The following TGFBR3 variants were observed in gnomAD, a reference collection of about 807,000 sequenced individuals.
TGFBR3 encodes the protein transforming growth factor beta receptor type 3.
A neutral mutation model predicts 87.9 loss-of-function variants in TGFBR3; 46 were observed. The observed-to-expected ratio is 0.52, with a 90% CI of 0.41 to 0.67. The LOEUF (loss-of-function observed/expected upper bound fraction) is 0.67, where lower values mean the gene tolerates loss of function less well. TGFBR3 is among the 30% of genes least tolerant of loss of function. The pLI, the probability that TGFBR3 is intolerant of heterozygous loss-of-function variation, is 0.00. For missense variants in TGFBR3, 866 were observed against 1,041.9 expected (o/e 0.83, Z 2.32); for synonymous variants, 381 against 391.6 (o/e 0.97, Z 0.32).
At chr1:91,761,643 C>CG (rs1673967181) in intron 3 of TGFBR3, among the ~76,000 whole-genome samples, 1 of 151,906 alleles carries the variant, frequency 6.6e-6, no homozygotes, top group African/African-American at 2.4e-5. Flanking sequence ...AGATAAAGGA[C>CG]AACCAAAACA....
chr1:91,742,220 A>G (rs2100845230), intron 4 of TGFBR3, among the ~76,000 whole-genome samples: 1 of 152,324 alleles, frequency 6.6e-6, no homozygotes, highest in African/African-American at 2.4e-5. Context: ...CCTTTAGTCC[A>G]TCCCTCTCTC....
chr1:91,704,284 C>A (rs1414977036), intron 14 of TGFBR3, among the ~76,000 whole-genome samples: 2 of 148,714 alleles, frequency 1.3e-5, no homozygotes, highest in African/African-American at 5.0e-5. Flanking sequence ...GCCGAGATTG[C>A]GCCACTGCAC....
chr1:91,900,914 T>C (rs374507119), intron 1 of TGFBR3, among the ~76,000 whole-genome samples: 1 of 152,220 alleles, frequency 6.6e-6, no homozygotes, highest in South Asian at 2.1e-4. Flanking sequence ...TTATTTGAGA[T>C]AAGGTCTTGT....
chr1:91,861,004 C>T (rs1375718155), intron 2 of TGFBR3, among the ~76,000 whole-genome samples: 2 of 148,782 alleles, frequency 1.3e-5, no homozygotes, highest in Non-Finnish European at 3.0e-5. Context: ...AACTAAATAC[C>T]TCCCAAGCAG....
chr1:91,865,400 A>G (rs893033450), intron 1 of TGFBR3, among the ~76,000 whole-genome samples: 1 of 152,020 alleles, frequency 6.6e-6, no homozygotes, highest in African/African-American at 2.4e-5. Flanking sequence ...ATGTATACCT[A>G]TGTAACAAAC....
chr1:91,858,501 T>G (rs1294655961), intron 2 of TGFBR3, among the ~76,000 whole-genome samples: 2 of 149,074 alleles, frequency 1.3e-5, no homozygotes, highest in Admixed American at 1.4e-4. Flanking sequence ...TGTACTCCCA[T>G]CTACTCGGGA....
chr1:91,800,912 C>A, intron 2 of TGFBR3: 1 of 195,638 alleles, frequency 5.1e-6, no homozygotes, highest in Non-Finnish European at 1.1e-5. Flanking sequence ...TGGTAAACCC[C>A]GTGTCTACTA....
chr1:91,887,770 C>T (rs1459478317), upstream of TGFBR3, among the ~76,000 whole-genome samples: 2 of 152,156 alleles, frequency 1.3e-5, no homozygotes, highest in Non-Finnish European at 2.9e-5. Context: ...CAAAAATCTC[C>T]TCACTGAACC....
chr1:91,831,619 TTG>T lies in TGFBR3; in HGVS notation c.61+29850_61+29851del, dbSNP rs542882319. ...CCAAATGTTTTATACACAGGATTTT[TTG>T]TGTTATTTCCACCACTGTAGTTTAT... On this transcript the variant is annotated intron_variant, in intron 2 of 16. Transcript: ENST00000212355. Among the ~76,000 whole-genome samples, 162 of 152,356 alleles carry T rather than the reference TTG, an allele frequency of 1.1e-3. 1 individual carries two copies. The Middle Eastern group carries it at 0.017, about 16-fold the overall frequency.
chr1:91,745,285 T>C (rs1371711538), intron 4 of TGFBR3, among the ~76,000 whole-genome samples: 1 of 152,072 alleles, frequency 6.6e-6, no homozygotes, highest in Non-Finnish European at 1.5e-5. Flanking sequence ...CAAACAAATC[T>C]CTTTTTGGAG....
chr1:91,816,014 T>A (rs1676210629), intron 2 of TGFBR3, among the ~76,000 whole-genome samples: 1 of 152,196 alleles, frequency 6.6e-6, no homozygotes, highest in South Asian at 2.1e-4. Flanking sequence ...TGAGAACCTC[T>A]CTGAATCCAC....
chr1:91,786,676 G>C (rs552908343), intron 3 of TGFBR3, among the ~76,000 whole-genome samples: 1 of 151,758 alleles, frequency 6.6e-6, no homozygotes, highest in Admixed American at 6.6e-5. Flanking sequence ...GCTTGAACTC[G>C]GGAGGCGGAG....
intron 2 of TGFBR3, among the ~76,000 whole-genome samples, chr1:91,833,655 G>A (rs1557735166): frequency 6.6e-6 from 1 of 150,876 alleles, no homozygotes; most frequent in Non-Finnish European, 1.5e-5. Context: ...GCACACACCT[G>A]TAATTCCAGC....
At chr1:91,789,933 T>C (rs1262962350) in intron 3 of TGFBR3, among the ~76,000 whole-genome samples, 1 of 152,172 alleles carries the variant, frequency 6.6e-6, no homozygotes, top group Non-Finnish European at 1.5e-5. Flanking sequence ...AGTAACTCTT[T>C]TTATATAATA....
At chr1:91,691,554 G>T (rs143633745) in intron 16 of TGFBR3, among the ~76,000 whole-genome samples, 25 of 152,310 alleles carry the variant, frequency 1.6e-4, no homozygotes, top group South Asian at 2.1e-4. Context: ...GTTAAATGAG[G>T]ATATTTTCAG....
intron 14 of TGFBR3, among the ~76,000 whole-genome samples, chr1:91,707,844 T>A (rs1671846394): frequency 6.6e-6 from 1 of 152,220 alleles, no homozygotes; most frequent in African/African-American, 2.4e-5. Flanking sequence ...CTGCCTGGTG[T>A]GTCCTTGCTT....
At position 91,722,008 on chromosome 1, in the gene TGFBR3, G is replaced by C. The variant is rs1220597299; in HGVS notation, c.1022C>G (p.Ser341Ter). 6.2e-7 allele frequency: 1 copy of C among 1,613,568 alleles called. No homozygotes were observed. Among genetic ancestry groups the C allele is most frequent in the Non-Finnish European group, 8.5e-7 (1 of 1,179,780 alleles). ...ALDNGYSPITSYTMAPVANRF... is the reference protein window; with the variant it reads ...ALDNGYSPIT ...ATTAGCCACAGGAGCCATTGTGTAT[G>C]AAGTTATTGGACTATAGCCATTGTC... Residue 341 changes from serine to a stop codon, truncating the protein, a stop_gained, in exon 8 of 17, where the codon TCA (serine) becomes TGA (stop). Coordinates refer to ENST00000212355, the MANE Select transcript of TGFBR3 (RefSeq NM_003243.5). LOFTEE classifies it high-confidence loss of function.
chr1:91,886,833 T>C (rs975233016), upstream of TGFBR3, among the ~76,000 whole-genome samples: 5 of 151,852 alleles, frequency 3.3e-5, no homozygotes, highest in African/African-American at 9.7e-5. Context: ...ATAATGGAGC[T>C]AGGTCAGCAT....
chr1:91,818,599 T>C (rs1676333607), intron 2 of TGFBR3, among the ~76,000 whole-genome samples: 1 of 152,128 alleles, frequency 6.6e-6, no homozygotes, highest in Non-Finnish European at 1.5e-5. Context: ...AACCAAAATA[T>C]GTGTTTAGGG....
Sources: gnomAD v4.1 joint callset for allele counts (sites outside exome capture counted in the v4.1 genomes callset) on GRCh38, gnomAD v4.1.1 for gene constraint, MANE v1.5 for transcripts, NCBI Gene and HGNC (gene_info 2026-07-23, HGNC 2026-07-21) for gene names.